The following STXBP5 variants were observed in gnomAD, a reference collection of about 807,000 sequenced individuals.
The protein encoded by STXBP5 is syntaxin-binding protein 5.
In STXBP5, 50 loss-of-function variants were observed where a neutral mutation model predicts 152.4. That is an observed-to-expected ratio of 0.33 (90% confidence interval 0.26 to 0.42). The LOEUF (loss-of-function observed/expected upper bound fraction) is 0.42. Among genes scored for constraint, STXBP5 ranks in the 10% least tolerant of loss-of-function variants. The probability of loss-of-function intolerance (pLI) is 1.00; values close to 1 mark genes in which losing one functional copy is unlikely to be tolerated. For synonymous variants in STXBP5, 492 were observed against 494.7 expected, an observed-to-expected ratio of 0.99 and a Z score of 0.07; for missense variants, 1,167 against 1,388.6, an observed-to-expected ratio of 0.84 and a Z score of 2.54.
chr6:147,352,287 T>C (rs992621228), intron 21 of STXBP5, among the ~76,000 whole-genome samples: 2 of 152,228 alleles, frequency 1.3e-5, no homozygotes, highest in East Asian at 3.9e-4. Flanking sequence ...TATAATGTAA[T>C]CAAATACTTA....
At position 147,215,265 on chromosome 6, in the gene STXBP5, A is replaced by G. The variant is rs376367281; in HGVS notation, c.248+9197A>G. Among the ~76,000 whole-genome samples the G allele has an allele frequency of 7.9e-5, 12 of 152,392 alleles. 1 individual carries two copies. In the East Asian group the frequency reaches 1.2e-3, roughly 15 times the overall value. ...TGTTTTTAAAGGATATACAGAGAAG[A>G]ATGTTCAGTAAGAAATACATTTTTA... is the stretch of plus-strand genomic sequence containing the variant. On this transcript the variant is annotated intron_variant, in intron 2 of 27. Coordinates refer to ENST00000321680, the MANE Select transcript of STXBP5 (RefSeq NM_001127715.4).
At chr6:147,277,142 A>G (rs182051128) in intron 7 of STXBP5, among the ~76,000 whole-genome samples, 3 of 152,230 alleles carry the variant, frequency 2.0e-5, no homozygotes, top group Admixed American at 2.0e-4. Context: ...GATTATCTGT[A>G]TCCATCTGAT....
chr6:147,263,657 G>A (rs1373039895), intron 6 of STXBP5, among the ~76,000 whole-genome samples: 1 of 151,934 alleles, frequency 6.6e-6, no homozygotes, highest in Non-Finnish European at 1.5e-5. Context: ...TGTATTTTCA[G>A]TTATGAACTG....
chr6:147,322,706 G>A (rs1021889956), intron 16 of STXBP5, among the ~76,000 whole-genome samples: 1 of 152,304 alleles, frequency 6.6e-6, no homozygotes, highest in African/African-American at 2.4e-5. Context: ...GCAAAGAGTT[G>A]TGCAATCAAA....
chr6:147,271,147 C>T (rs1443533760), intron 7 of STXBP5, among the ~76,000 whole-genome samples: 1 of 152,002 alleles, frequency 6.6e-6, no homozygotes, highest in Non-Finnish European at 1.5e-5. Flanking sequence ...ATAGTTTAAG[C>T]ACCCCTTAAA....
chr6:147,227,098 G>A (rs1300559364), intron 2 of STXBP5, among the ~76,000 whole-genome samples: 1 of 152,142 alleles, frequency 6.6e-6, no homozygotes, highest in Admixed American at 6.5e-5. Context: ...AGAATGTGAG[G>A]GATGAAAACA....
intron 4 of STXBP5, among the ~76,000 whole-genome samples, chr6:147,246,983 ACT>A (rs1353510770): frequency 6.6e-6 from 1 of 152,144 alleles, no homozygotes; most frequent in African/African-American, 2.4e-5. Flanking sequence ...ATTACATTAT[ACT>A]CTTATTATTT....
rs774310561 is a variant in STXBP5 at position 147,359,038 on chromosome 6, T to C, written c.2306-46T>C. Reference sequence around the variant, plus strand: ...TATATTAAAAAACAACACAAATAACTTCTTTTATAACTTGAGCAATCTCAC... The same window carrying C: ...TATATTAAAAAACAACACAAATAACCTCTTTTATAACTTGAGCAATCTCAC... On this transcript the variant is annotated intron_variant, in intron 22 of 27. Coordinates refer to ENST00000321680, the MANE Select transcript of STXBP5 (RefSeq NM_001127715.4). The C allele has an allele frequency of 6.9e-6, 11 of 1,583,374 alleles. No homozygotes were observed. In the East Asian group the frequency reaches 2.5e-4, roughly 36 times the overall value.
chr6:147,373,711 A>G lies in STXBP5; in HGVS notation c.3082-20A>G. 6.3e-7 allele frequency: 1 copy of G among 1,583,748 alleles called. No individual in the cohort carries two copies. Among genetic ancestry groups the G allele is most frequent in the South Asian group, 1.1e-5 (1 of 90,012 alleles). ...GTTTCCCTGAAATTTCAACAGTGAC[A>G]ATTTGTTTTGATTTTAAAGGAAATG... is the stretch of plus-strand genomic sequence containing the variant. On this transcript the variant is annotated intron_variant, in intron 25 of 27. Transcript: ENST00000321680.
At chr6:147,249,815 G>T (rs907523378) in intron 4 of STXBP5, among the ~76,000 whole-genome samples, 4 of 152,262 alleles carry the variant, frequency 2.6e-5, no homozygotes, top group Non-Finnish European at 5.9e-5. Context: ...AGAGCATTCA[G>T]TCACACAGAG....
intron 9 of STXBP5, among the ~76,000 whole-genome samples, chr6:147,306,843 G>A (rs1001882030): frequency 1.3e-5 from 2 of 152,086 alleles, no homozygotes; most frequent in Non-Finnish European, 2.9e-5. Flanking sequence ...TCTCACTATC[G>A]CTCCTGTGGC....
At chr6:147,292,252 G>C in intron 9 of STXBP5, 2 of 452,192 alleles carry the variant, frequency 4.4e-6, no homozygotes, top group South Asian at 1.6e-5. Flanking sequence ...TCTTTTTAGG[G>C]TTTGTTGAGA....
intron 4 of STXBP5, among the ~76,000 whole-genome samples, chr6:147,253,015 G>A (rs949666826): frequency 6.6e-6 from 1 of 152,054 alleles, no homozygotes; most frequent in African/African-American, 2.4e-5. Flanking sequence ...AAAAAAAGAA[G>A]TTTTCAAGAC....
At chr6:147,242,281 G>A (rs1306051278) in intron 4 of STXBP5, among the ~76,000 whole-genome samples, 2 of 151,994 alleles carry the variant, frequency 1.3e-5, no homozygotes, top group Non-Finnish European at 2.9e-5. Flanking sequence ...CATTGTGTTT[G>A]TAAGTGAAGG....
intron 21 of STXBP5, chr6:147,351,691 A>T (rs1784596445): frequency 4.8e-6 from 1 of 210,194 alleles, no homozygotes; most frequent in African/African-American, 2.4e-5. Flanking sequence ...ACTTTTATAA[A>T]TTTAACCCAT....
At chr6:147,208,820 T>G (rs1291562545) in intron 2 of STXBP5, among the ~76,000 whole-genome samples, 1 of 152,160 alleles carries the variant, frequency 6.6e-6, no homozygotes, top group Non-Finnish European at 1.5e-5. Flanking sequence ...AAGAAAGATA[T>G]ATCTGATAGC....
At chr6:147,337,073 G>A (rs368168777) in intron 19 of STXBP5, among the ~76,000 whole-genome samples, 1 of 151,904 alleles carries the variant, frequency 6.6e-6, no homozygotes, top group Non-Finnish European at 1.5e-5. Flanking sequence ...AACGAATGAA[G>A]GGAAAGACTT....
chr6:147,279,007 A>G (rs79747617), intron 8 of STXBP5, among the ~76,000 whole-genome samples: 5,385 of 152,244 alleles, frequency 0.035, 145 homozygotes, highest in Admixed American at 0.054. Flanking sequence ...GGTTCAGCAT[A>G]AACTATATTC....
At chr6:147,229,617 A>G (rs1777893314) in intron 2 of STXBP5, among the ~76,000 whole-genome samples, 1 of 151,904 alleles carries the variant, frequency 6.6e-6, no homozygotes, top group Non-Finnish European at 1.5e-5. Context: ...TAAATATTCT[A>G]TTCCTTATGA....
Sources: allele counts gnomAD v4.1 joint callset (sites outside exome capture counted in the v4.1 genomes callset), GRCh38; gene constraint gnomAD v4.1.1; transcripts MANE v1.5; gene names NCBI Gene and HGNC (gene_info 2026-07-23, HGNC 2026-07-21).